EYS: variants seen among roughly 807,000 people sequenced by gnomAD.
EYS encodes the protein EGF-like photoreceptor maintenance factor.
EYS carries 250 observed loss-of-function variants against 282.1 expected under a neutral mutation model. The ratio of observed to expected loss-of-function variants is 0.89; its 90% CI spans 0.80 to 0.98. EYS has a LOEUF of 0.98. Among genes scored for constraint, EYS ranks in the 50% least tolerant of loss-of-function variants. EYS has a pLI of 0.00. For synonymous variants in EYS, 1,355 were observed against 1,282.9 expected (o/e 1.06, Z -1.20); for missense variants, 4,016 against 3,709.0 (o/e 1.08, Z -2.15).
chr6:63,982,926 G>T (rs1174437365), intron 35 of EYS, among the ~76,000 whole-genome samples: 1 of 151,774 alleles, frequency 6.6e-6, no homozygotes, highest in African/African-American at 2.4e-5. Context: ...AGTTAGAGAA[G>T]GTTTTTTCCC....
chr6:64,685,908 T>A (rs1193837128), intron 22 of EYS, among the ~76,000 whole-genome samples: 2 of 152,076 alleles, frequency 1.3e-5, no homozygotes, highest in Non-Finnish European at 2.9e-5. Flanking sequence ...ACAGAATATA[T>A]CTCAGTAAAT....
intron 26 of EYS, among the ~76,000 whole-genome samples, chr6:64,512,316 G>C (rs1348402882): frequency 6.6e-6 from 1 of 151,806 alleles, no homozygotes; most frequent in Non-Finnish European, 1.5e-5. Context: ...TGTTGAAAGA[G>C]ACAGGAGGAG....
chr6:65,517,494 C>T (rs574233384), intron 2 of EYS, among the ~76,000 whole-genome samples: 1 of 151,952 alleles, frequency 6.6e-6, no homozygotes, highest in Non-Finnish European at 1.5e-5. Context: ...TGAAGCAATA[C>T]TTACGTATTA....
intron 5 of EYS, among the ~76,000 whole-genome samples, chr6:65,457,801 C>T (rs1205121566): frequency 1.3e-5 from 2 of 152,120 alleles, no homozygotes; most frequent in South Asian, 2.1e-4. Context: ...GTTCCTAGAC[C>T]TAATTAGATG....
chr6:65,574,721 T>G (rs1341784215), intron 2 of EYS, among the ~76,000 whole-genome samples: 1 of 151,896 alleles, frequency 6.6e-6, no homozygotes, highest in Admixed American at 6.6e-5. Context: ...GGACAGAAAA[T>G]CAGTAAGGAA....
intron 26 of EYS, among the ~76,000 whole-genome samples, chr6:64,503,709 A>G (rs1172810989): frequency 6.6e-6 from 1 of 152,184 alleles, no homozygotes; most frequent in African/African-American, 2.4e-5. Flanking sequence ...ACTCCGAACC[A>G]TCAAAAACTC....
At chr6:65,120,484 A>AAAAAAAAAAAAAAAAAAAAAAAAAAAC (rs1775509112) in intron 12 of EYS, among the ~76,000 whole-genome samples, 1 of 140,038 alleles carries the variant, frequency 7.1e-6, no homozygotes, top group Non-Finnish European at 1.6e-5. Flanking sequence ...AAAAAAAAAA[A>AAAAAAAAAAAAAAAAAAAAAAAAAAAC]TCTTTGGTTC....
intron 12 of EYS, among the ~76,000 whole-genome samples, chr6:65,159,031 C>T (rs1465474825): frequency 1.3e-5 from 2 of 150,688 alleles, no homozygotes; most frequent in East Asian, 3.9e-4. Context: ...TGAGAACATG[C>T]CACAATATTC....
chr6:65,029,241 C>A (rs1057028108), intron 13 of EYS, among the ~76,000 whole-genome samples: 9 of 152,078 alleles, frequency 5.9e-5, no homozygotes, highest in African/African-American at 1.4e-4. Context: ...ATTAAGAAAT[C>A]AAGATCTAGG....
At chr6:64,089,314 A>C (rs1772271608) in intron 31 of EYS, among the ~76,000 whole-genome samples, 1 of 150,986 alleles carries the variant, frequency 6.6e-6, no homozygotes, top group African/African-American at 2.4e-5. Flanking sequence ...TAATATTCAA[A>C]GGTTTAGAAA....
At chr6:64,349,150 A>G (rs1328166768) in intron 29 of EYS, among the ~76,000 whole-genome samples, 1 of 151,466 alleles carries the variant, frequency 6.6e-6, no homozygotes, top group Non-Finnish European at 1.5e-5. Context: ...TGGTATAAGA[A>G]TAACTGCATT....
intron 14 of EYS, among the ~76,000 whole-genome samples, chr6:64,971,230 C>T (rs1002156830): frequency 6.6e-6 from 1 of 151,552 alleles, no homozygotes; most frequent in Non-Finnish European, 1.5e-5. Context: ...TTCCCAGATG[C>T]CAATAAGAAA....
chr6:64,537,097 G>A (rs1356767969), intron 26 of EYS, among the ~76,000 whole-genome samples: 2 of 150,078 alleles, frequency 1.3e-5, no homozygotes, highest in East Asian at 2.0e-4. Flanking sequence ...ATGCTGGTGC[G>A]CTGCACCCAC....
At chr6:65,244,800 G>A (rs1480236316) in intron 12 of EYS, among the ~76,000 whole-genome samples, 2 of 151,900 alleles carry the variant, frequency 1.3e-5, no homozygotes, top group Non-Finnish European at 2.9e-5. Flanking sequence ...GGGATTACAG[G>A]CTTGAGCCAC....
At chr6:64,991,547 C>A (rs1219249060) in intron 14 of EYS, among the ~76,000 whole-genome samples, 5 of 151,506 alleles carry the variant, frequency 3.3e-5, no homozygotes, top group African/African-American at 1.2e-4. Flanking sequence ...TATCCAGCCT[C>A]TAAGAGAAGC....
At chr6:65,534,690 AC>A (rs1222140981) in intron 2 of EYS, among the ~76,000 whole-genome samples, 4 of 152,090 alleles carry the variant, frequency 2.6e-5, no homozygotes, top group Non-Finnish European at 5.9e-5. Flanking sequence ...TAGCTTATCT[AC>A]AGCTTCTCCA....
chr6:64,502,421 C>T (rs531974789), intron 26 of EYS, among the ~76,000 whole-genome samples: 1 of 152,170 alleles, frequency 6.6e-6, no homozygotes, highest in Non-Finnish European at 1.5e-5. Flanking sequence ...CGGGGTTTCA[C>T]CGTATTAGCC....
intron 31 of EYS, among the ~76,000 whole-genome samples, chr6:64,226,126 T>C (rs892140624): frequency 1.3e-5 from 2 of 152,126 alleles, no homozygotes; most frequent in African/African-American, 2.4e-5. Flanking sequence ...CCTTCTTAGC[T>C]ATGGAATACC....
intron 2 of EYS, among the ~76,000 whole-genome samples, chr6:65,611,473 G>A (rs906042885): frequency 2.0e-5 from 3 of 151,844 alleles, no homozygotes; most frequent in African/African-American, 7.3e-5. Flanking sequence ...TTAGTTTTAT[G>A]TTTAGTTTTC....
Sources: allele counts gnomAD v4.1 joint callset (sites outside exome capture counted in the v4.1 genomes callset), GRCh38; gene constraint gnomAD v4.1.1; transcripts MANE v1.5; gene names NCBI Gene and HGNC (gene_info 2026-07-23, HGNC 2026-07-21).